Variants in PRKD1 observed in about 807,000 individuals in gnomAD.
PRKD1 encodes the protein protein kinase D1.
In PRKD1, 63 loss-of-function variants were observed where a neutral mutation model predicts 95.9. The ratio of observed to expected loss-of-function variants is 0.66; its 90% CI spans 0.54 to 0.81. The LOEUF is 0.81. Among genes scored for constraint, PRKD1 ranks in the 30% least tolerant of loss-of-function variants. The pLI, the probability that PRKD1 is intolerant of heterozygous loss-of-function variation, is 0.00. For synonymous variants in PRKD1, 425 were observed against 423.1 expected (o/e 1.00, Z -0.05); for missense variants, 1,048 against 1,165.3 (o/e 0.90, Z 1.47).
At chr14:29,794,888 T>C (rs1316052238) in intron 1 of PRKD1, among the ~76,000 whole-genome samples, 2 of 152,152 alleles carry the variant, frequency 1.3e-5, no homozygotes, top group Admixed American at 1.3e-4. Flanking sequence ...CTAGCAGCAA[T>C]GTGTGAGTTC....
At position 29,638,790 on chromosome 14, in the gene PRKD1, G is replaced by A. The variant is rs1165306493; in HGVS notation, c.811C>T (p.His271Tyr). 2 of 1,614,034 alleles carry A rather than the reference G, an allele frequency of 1.2e-6. No homozygotes were observed. Among genetic ancestry groups the A allele is most frequent in the South Asian group, 1.1e-5 (1 of 91,082 alleles). Residue 271 changes from histidine to tyrosine, a missense_variant, in exon 5 of 18, where the codon CAC becomes TAC. His to Tyr is a moderately conservative substitution (Grantham distance 83). Coordinates refer to ENST00000331968, the MANE Select transcript of PRKD1 (RefSeq NM_002742.3). ...KILMSKVKVP[H>Y]TFVIHSYTRP... ...GTGTAGGAGTGGATGACAAATGTGT[G>A]CGGCACTTTAACTTTAGACATCAAA...
intron 6 of PRKD1, 127 bp from the exon 7 acceptor site, chr14:29,636,621 T>C: frequency 2.2e-6 from 2 of 892,198 alleles, no homozygotes; most frequent in Non-Finnish European, 3.3e-6. Context: ...ATGAGTTTAT[T>C]TTTTATTTTT....
At chr14:29,754,431 CCTA>C (rs1198236574) in intron 1 of PRKD1, among the ~76,000 whole-genome samples, 2 of 152,034 alleles carry the variant, frequency 1.3e-5, no homozygotes, top group Non-Finnish European at 2.9e-5. Context: ...AAGGTGGTCT[CCTA>C]AATGGTCTTT....
At chr14:29,588,587 A>G (rs1893014975) in intron 16 of PRKD1, among the ~76,000 whole-genome samples, 1 of 152,176 alleles carries the variant, frequency 6.6e-6, no homozygotes, top group Admixed American at 6.5e-5. Context: ...GGAAGAATAA[A>G]TTATAGCTGT....
chr14:29,747,607 T>G (rs1175713718), intron 1 of PRKD1, among the ~76,000 whole-genome samples: 3 of 152,136 alleles, frequency 2.0e-5, no homozygotes, highest in African/African-American at 7.2e-5. Flanking sequence ...CAACGTAATA[T>G]TATTCAGCTA....
intron 1 of PRKD1, among the ~76,000 whole-genome samples, chr14:29,921,472 CATTT>C (rs1895105614): frequency 6.6e-6 from 1 of 151,972 alleles, no homozygotes; most frequent in Non-Finnish European, 1.5e-5. Context: ...TAAACAACAG[CATTT>C]ATTATGCACG....
At chr14:29,720,065 G>A (rs1338524680) in intron 2 of PRKD1, among the ~76,000 whole-genome samples, 3 of 152,098 alleles carry the variant, frequency 2.0e-5, no homozygotes, top group African/African-American at 7.2e-5. Flanking sequence ...TCCCTTTTGC[G>A]GTATGTTTAA....
intron 9 of PRKD1, among the ~76,000 whole-genome samples, chr14:29,631,925 C>T (rs980473962): frequency 2.0e-5 from 3 of 152,106 alleles, no homozygotes; most frequent in African/African-American, 7.2e-5. Flanking sequence ...CCTCAGCATC[C>T]TGAGTAGCTG....
intron 1 of PRKD1, among the ~76,000 whole-genome samples, chr14:29,782,914 C>T (rs1250843527): frequency 6.6e-6 from 1 of 152,140 alleles, no homozygotes; most frequent in Non-Finnish European, 1.5e-5. Context: ...TAATATTGTA[C>T]ATATTTATGA....
chr14:29,590,403 C>A (rs1017522660), intron 16 of PRKD1, among the ~76,000 whole-genome samples: 10 of 152,128 alleles, frequency 6.6e-5, no homozygotes, highest in South Asian at 2.1e-4. Context: ...AAACGTTAAG[C>A]TTTGATGGTC....
intron 4 of PRKD1, among the ~76,000 whole-genome samples, chr14:29,654,183 A>T (rs1235428825): frequency 6.6e-6 from 1 of 151,550 alleles, no homozygotes; most frequent in East Asian, 1.9e-4. Context: ...ATTTATTATT[A>T]TTTTTTGAGA....
At chr14:29,900,598 T>TG (rs1894287926) in intron 1 of PRKD1, among the ~76,000 whole-genome samples, 1 of 151,648 alleles carries the variant, frequency 6.6e-6, no homozygotes, top group Admixed American at 6.6e-5. Context: ...CTGACAAAGG[T>TG]CAAATATCCA....
intron 1 of PRKD1, among the ~76,000 whole-genome samples, chr14:29,896,046 A>G (rs191171440): frequency 6.8e-4 from 104 of 152,342 alleles, no homozygotes; most frequent in African/African-American, 2.5e-3. Flanking sequence ...AGATACATCT[A>G]TGTGCCTAGA....
intron 13 of PRKD1, among the ~76,000 whole-genome samples, chr14:29,608,230 T>C (rs546782946): frequency 6.6e-6 from 1 of 152,230 alleles, no homozygotes; most frequent in South Asian, 2.1e-4. Context: ...TGTATAGGGC[T>C]TCATATTTTA....
chr14:29,767,640 T>A (rs1275672366), intron 1 of PRKD1, among the ~76,000 whole-genome samples: 1 of 152,198 alleles, frequency 6.6e-6, no homozygotes, highest in East Asian at 1.9e-4. Context: ...ACTAAAATGT[T>A]CAAACTGAAT....
At chr14:29,775,388 C>A (rs1888694771) in intron 1 of PRKD1, among the ~76,000 whole-genome samples, 1 of 152,214 alleles carries the variant, frequency 6.6e-6, no homozygotes, top group South Asian at 2.1e-4. Flanking sequence ...AGGGAATTCC[C>A]TTTCCTAGCC....
At chr14:29,688,456 T>C (rs754048810) in intron 2 of PRKD1, among the ~76,000 whole-genome samples, 64 of 152,228 alleles carry the variant, frequency 4.2e-4, no homozygotes, top group Middle Eastern at 6.8e-3. Context: ...TGGTATGGAT[T>C]AGGAAAATGA....
intron 1 of PRKD1, among the ~76,000 whole-genome samples, chr14:29,790,812 G>C (rs1266327914): frequency 6.6e-6 from 1 of 152,068 alleles, no homozygotes; most frequent in Non-Finnish European, 1.5e-5. Flanking sequence ...CAACAAAAAA[G>C]TTAGTCTTGC....
intron 1 of PRKD1, among the ~76,000 whole-genome samples, chr14:29,792,001 G>C (rs1889568706): frequency 6.6e-6 from 1 of 152,052 alleles, no homozygotes; most frequent in African/African-American, 2.4e-5. Context: ...CACCAACATT[G>C]GGTACAGTAA....
Sources: allele counts gnomAD v4.1 joint callset (sites outside exome capture counted in the v4.1 genomes callset), GRCh38; gene constraint gnomAD v4.1.1; transcripts MANE v1.5; gene names NCBI Gene and HGNC (gene_info 2026-07-23, HGNC 2026-07-21).